BEND7: variants seen among roughly 807,000 people sequenced by gnomAD.
The protein encoded by BEND7 is BEN domain-containing protein 7.
In BEND7, 28 loss-of-function variants were observed where a neutral mutation model predicts 50.9. That is an observed-to-expected ratio of 0.55 (90% CI 0.41 to 0.75). The LOEUF (loss-of-function observed/expected upper bound fraction) is 0.75. BEND7 is among the 30% of genes least tolerant of loss of function. The pLI is 0.00. For missense variants in BEND7, 477 were observed against 491.3 expected, an observed-to-expected ratio of 0.97 and a Z score of 0.28; for synonymous variants, 170 against 183.9, an observed-to-expected ratio of 0.92 and a Z score of 0.61.
intron 2 of BEND7, among the ~76,000 whole-genome samples, chr10:13,516,556 T>C (rs2078687285): frequency 1.3e-5 from 2 of 152,074 alleles, no homozygotes. Flanking sequence ...TGAAACCCCG[T>C]CTCCACTAAA....
intron 4 of BEND7, 106 bp from the exon 5 acceptor site, chr10:13,492,982 A>G (rs2076776391): frequency 7.5e-7 from 1 of 1,329,504 alleles, no homozygotes; most frequent in African/African-American, 1.5e-5. Flanking sequence ...AAACGAGGAA[A>G]ACTCCAGGAT....
intron 7 of BEND7, among the ~76,000 whole-genome samples, chr10:13,449,986 A>G (rs1837328460): frequency 2.6e-5 from 4 of 152,098 alleles, no homozygotes; most frequent in Admixed American, 2.0e-4. Context: ...AACATTTAAC[A>G]GCAGTGACAT....
intron 7 of BEND7, among the ~76,000 whole-genome samples, chr10:13,452,098 C>T (rs1837878709): frequency 6.6e-6 from 1 of 152,158 alleles, no homozygotes; most frequent in African/African-American, 2.4e-5. Context: ...CACCCATCCC[C>T]CACTTAAAAT....
Position 13,528,599 on chromosome 10 carries a change from A to AGCGGCGGCGGCGGCAGCG in BEND7, c.-67_-66insCGCTGCCGCCGCCGCCGC. On this transcript the variant is annotated 5_prime_UTR_variant, in exon 1 of 9. Transcript: ENST00000466271. The stretch of plus-strand genomic sequence containing the variant: ...CAGCGGCGGCAGCGGCAGCGGCGGC[A>AGCGGCGGCGGCGGCAGCG]GCGGCAGCGGCGGCGCGGGCTCGTG... The AGCGGCGGCGGCGGCAGCG allele has an allele frequency of 1.4e-6, 1 of 706,932 alleles. No homozygotes were observed. The highest frequency in any genetic ancestry group is 7.4e-5 in the South Asian group (1 of 13,484). 43.8% of individuals were successfully genotyped at this position (706,932 alleles called of 1,614,324 possible).
chr10:13,456,307 G>T (rs934859717), intron 6 of BEND7, among the ~76,000 whole-genome samples: 3 of 152,188 alleles, frequency 2.0e-5, no homozygotes, highest in African/African-American at 4.8e-5. Flanking sequence ...GAGCAACCGC[G>T]TGTGAGGATG....
downstream of BEND7, chr10:13,441,035 C>T: frequency 1.1e-6 from 1 of 896,956 alleles, no homozygotes; most frequent in South Asian, 5.2e-5. Flanking sequence ...ACAGCACTGA[C>T]TTCTCTTCAT....
chr10:13,508,642 T>C (rs757298833), intron 2 of BEND7, among the ~76,000 whole-genome samples: 5 of 152,216 alleles, frequency 3.3e-5, no homozygotes, highest in African/African-American at 7.2e-5. Flanking sequence ...AATGTATACA[T>C]GGCATTTACA....
intron 6 of BEND7, among the ~76,000 whole-genome samples, chr10:13,463,320 G>A (rs568908284): frequency 6.6e-6 from 1 of 152,276 alleles, no homozygotes; most frequent in East Asian, 1.9e-4. Context: ...CAACACAGAG[G>A]CAAAGAACTG....
intron 6 of BEND7, chr10:13,460,121 A>C (rs1839911612): frequency 6.5e-6 from 1 of 152,716 alleles, no homozygotes; most frequent in Admixed American, 6.5e-5. Context: ...AAATGTCACA[A>C]TGCGAGTAGC....
At chr10:13,443,679 G>A (rs1290611388) in intron 8 of BEND7, 1 of 152,162 alleles carries the variant, frequency 6.6e-6, no homozygotes, top group Non-Finnish European at 1.5e-5. Context: ...GTCCAGTCAT[G>A]GAAAATGGCC....
intron 2 of BEND7, among the ~76,000 whole-genome samples, chr10:13,519,748 G>A (rs184360739): frequency 2.4e-4 from 36 of 152,212 alleles, no homozygotes; most frequent in Non-Finnish European, 4.6e-4. Flanking sequence ...TCTCTGCTAC[G>A]CTATGTAAAC....
chr10:13,450,798 T>C (rs567128658), intron 7 of BEND7, among the ~76,000 whole-genome samples: 3 of 152,206 alleles, frequency 2.0e-5, no homozygotes, highest in Non-Finnish European at 4.4e-5. Context: ...GGGAGCAGGC[T>C]GTGGCTTGGG....
At chr10:13,481,424 G>C (rs1185331651) in intron 5 of BEND7, among the ~76,000 whole-genome samples, 3 of 152,142 alleles carry the variant, frequency 2.0e-5, no homozygotes, top group Non-Finnish European at 2.9e-5. Flanking sequence ...ACAGGGAGTT[G>C]AGACTTCTGG....
intron 8 of BEND7, chr10:13,444,511 T>C (rs1835877513): frequency 6.6e-6 from 1 of 152,210 alleles, no homozygotes; most frequent in South Asian, 2.1e-4. Flanking sequence ...TGTTGAATCT[T>C]TAAAAAGAAC....
At chr10:13,459,307 C>G (rs151150717) in intron 6 of BEND7, among the ~76,000 whole-genome samples, 1 of 152,268 alleles carries the variant, frequency 6.6e-6, no homozygotes, top group Non-Finnish European at 1.5e-5. Context: ...TGCCTGGAAA[C>G]TGGGCCGTGG....
At chr10:13,529,024 G>C (rs1332836463), upstream of BEND7, 1 of 145,564 alleles carries the variant, frequency 6.9e-6, no homozygotes, top group Non-Finnish European at 1.5e-5. Context: ...CGGGTGCAGA[G>C]CCGGCCGGGG....
Position 13,517,492 on chromosome 10 carries a change from C to T in BEND7, c.145+8646G>A, listed in dbSNP as rs369223772. Among the ~76,000 whole-genome samples the T allele has an allele frequency of 1.1e-4, 16 of 152,228 alleles. No individual in the cohort carries two copies. The East Asian group carries it at 1.5e-3, about 15-fold the overall frequency. On this transcript the variant is annotated intron_variant, in intron 2 of 8. Transcript: ENST00000466271. ...ATGATAAAGAATTTCAAGCATCACACCTATAATCCCAGCACTGTGGGAGGC... is the reference window on the plus strand; with the variant it reads ...ATGATAAAGAATTTCAAGCATCACATCTATAATCCCAGCACTGTGGGAGGC...
downstream of BEND7, chr10:13,439,570 C>T (rs1199941126): frequency 1.4e-6 from 2 of 1,434,542 alleles, no homozygotes; most frequent in African/African-American, 1.4e-5. Flanking sequence ...ATCGTCACAC[C>T]CTGTGTCCTT....
In BEND7 at chr10:13,496,956, G is replaced by T. The variant is rs533512054; in HGVS notation, c.449-68C>A. On this transcript the variant is annotated intron_variant, in intron 3 of 8. Transcript: ENST00000466271. ...AAAAAAAAAAAAAAATCATAAAGAGGTGGAGAGAAAAAAGAAAGTATCTTG... is the reference window on the plus strand; with the variant it reads ...AAAAAAAAAAAAAAATCATAAAGAGTTGGAGAGAAAAAAGAAAGTATCTTG... The T allele has an allele frequency of 4.2e-6, 6 of 1,438,118 alleles. No individual in the cohort carries two copies. The East Asian group carries it at 1.3e-4, about 32-fold the overall frequency. The allele number at this position is 1,438,118 out of a possible 1,614,324, so 89.1% of individuals were successfully genotyped here.
Sources: allele counts gnomAD v4.1 joint callset (sites outside exome capture counted in the v4.1 genomes callset), GRCh38; gene constraint gnomAD v4.1.1; transcripts MANE v1.5; gene names NCBI Gene and HGNC (gene_info 2026-07-23, HGNC 2026-07-21).